The following SLC25A37 variants were observed in gnomAD, a reference collection of about 807,000 sequenced individuals.
SLC25A37 encodes the protein mitoferrin-1.
A neutral mutation model predicts 31.0 loss-of-function variants in SLC25A37; 17 were observed. The ratio of observed to expected loss-of-function variants is 0.55; its 90% CI spans 0.38 to 0.82. The LOEUF is 0.82. Ranked by LOEUF, SLC25A37 falls within the 40% of genes least tolerant of loss-of-function variation. The pLI is 0.00. For missense variants in SLC25A37, 404 were observed against 465.8 expected (o/e 0.87, Z 1.22); for synonymous variants, 222 against 193.0 (o/e 1.15, Z -1.24).
intron 1 of SLC25A37, among the ~76,000 whole-genome samples, chr8:23,544,930 C>T (rs1240073951): frequency 3.3e-5 from 5 of 152,122 alleles, no homozygotes; most frequent in African/African-American, 1.2e-4. Flanking sequence ...CTTTCACTGT[C>T]GAACTAAGGA....
chr8:23,535,967 G>A (rs1248728161), intron 1 of SLC25A37, among the ~76,000 whole-genome samples: 3 of 152,136 alleles, frequency 2.0e-5, no homozygotes, highest in Admixed American at 6.5e-5. Flanking sequence ...GAGTGGGGAC[G>A]CAGCCAAACC....
intron 2 of SLC25A37, 30 bp from the exon 3 acceptor site, chr8:23,568,292 G>A: frequency 1.9e-6 from 3 of 1,613,134 alleles, no homozygotes; most frequent in Non-Finnish European, 2.5e-6. Context: ...CCCGATCGCA[G>A]AGGGTAATTT....
intron 1 of SLC25A37, among the ~76,000 whole-genome samples, chr8:23,545,703 C>T (rs1171649483): frequency 6.6e-6 from 1 of 152,126 alleles, no homozygotes; most frequent in Non-Finnish European, 1.5e-5. Context: ...ATAGAAAATG[C>T]CCTGTGGAAA....
At chr8:23,564,289 T>C (rs911574230) in intron 1 of SLC25A37, among the ~76,000 whole-genome samples, 3 of 152,128 alleles carry the variant, frequency 2.0e-5, no homozygotes, top group African/African-American at 7.2e-5. Context: ...CTGGGGTACC[T>C]GGGGCTCTCT....
chr8:23,543,782 TGCCTCG>T (rs1213197861), intron 1 of SLC25A37, among the ~76,000 whole-genome samples: 2 of 152,040 alleles, frequency 1.3e-5, no homozygotes, highest in Admixed American at 1.3e-4. Context: ...TTGATCTGCT[TGCCTCG>T]GCCTCCCAAG....
At chr8:23,530,622 A>G (rs1801644564) in intron 1 of SLC25A37, among the ~76,000 whole-genome samples, 1 of 152,242 alleles carries the variant, frequency 6.6e-6, no homozygotes, top group Non-Finnish European at 1.5e-5. Context: ...GACTGATACC[A>G]GGTGGCATTT....
At chr8:23,556,570 G>A (rs1253373754) in intron 1 of SLC25A37, among the ~76,000 whole-genome samples, 2 of 151,554 alleles carry the variant, frequency 1.3e-5, no homozygotes, top group African/African-American at 2.4e-5. Context: ...GTATATGTAT[G>A]TATATACATA....
chr8:23,536,075 C>T (rs1456475573), intron 1 of SLC25A37, among the ~76,000 whole-genome samples: 1 of 152,136 alleles, frequency 6.6e-6, no homozygotes, highest in Non-Finnish European at 1.5e-5. Context: ...CGTACGTTGT[C>T]AATAAATGGT....
chr8:23,542,196 G>A (rs1415523223), intron 1 of SLC25A37, among the ~76,000 whole-genome samples: 2 of 152,120 alleles, frequency 1.3e-5, no homozygotes, highest in African/African-American at 2.4e-5. Context: ...GCATCACAAC[G>A]CATTGCATTT....
rs370786654 is a variant in SLC25A37 at position 23,571,699 on chromosome 8, G to A, written c.861G>A (p.Arg287=). The change falls in exon 4 of 4, where the codon CGG becomes CGA. Residue 287 remains arginine, a synonymous_variant. Transcript: ENST00000519973. Reference sequence around the variant, plus strand: ...TGTCGGGTATGGCCAATGCCTTCCGGACGGTGTACCAGCTCAACGGCCTGG... The same window carrying A: ...TGTCGGGTATGGCCAATGCCTTCCGAACGGTGTACCAGCTCAACGGCCTGG... ...GRLSGMANAF[R]TVYQLNGLAG... is the part of the protein sequence containing the mutation. 6.2e-7 allele frequency: 1 copy of A among 1,613,898 alleles called. No homozygotes were observed. The highest frequency in any genetic ancestry group is 8.5e-7 in the Non-Finnish European group (1 of 1,179,910).
In SLC25A37 at chr8:23,551,302, G is replaced by C. The variant is rs543753201; in HGVS notation, c.211-14806G>C. 2.6e-5 allele frequency among the ~76,000 whole-genome samples: 4 copies of C among 152,340 alleles called. No individual in the cohort carries two copies. In the East Asian group the frequency reaches 7.7e-4, roughly 29 times the overall value. ...TAGGCCATCCATTTAGAAATGGTTAGTGAAGAAAGGTGAATGGGGAGGGGT... is the reference window on the plus strand; with the variant it reads ...TAGGCCATCCATTTAGAAATGGTTACTGAAGAAAGGTGAATGGGGAGGGGT... On this transcript the variant is annotated intron_variant, in intron 1 of 3. Coordinates refer to ENST00000519973, the MANE Select transcript of SLC25A37 (RefSeq NM_016612.4).
At chr8:23,569,789 G>GAGT (rs1802772732) in intron 3 of SLC25A37, among the ~76,000 whole-genome samples, 1 of 152,124 alleles carries the variant, frequency 6.6e-6, no homozygotes, top group Non-Finnish European at 1.5e-5. Flanking sequence ...TCTGAATAGT[G>GAGT]AGTACCTTTT....
chr8:23,529,330 C>A lies in SLC25A37; in HGVS notation c.210+118C>A. Reference sequence around the variant, plus strand: ...TCCCGAAACCGAGCTCTCCCCAGGACCGCGGCTGGCCGGGGTCGCCCCAGG... The same window carrying A: ...TCCCGAAACCGAGCTCTCCCCAGGAACGCGGCTGGCCGGGGTCGCCCCAGG... On this transcript the variant is annotated intron_variant, in intron 1 of 3. Transcript: ENST00000519973. The surrounding 1 kb of genome is among the most constrained non-coding windows in gnomAD (Gnocchi z 4.1). 1 of 978,838 alleles carries A rather than the reference C, an allele frequency of 1.0e-6. No individual in the cohort carries two copies. Among genetic ancestry groups the A allele is most frequent in the Non-Finnish European group, 1.4e-6 (1 of 711,272 alleles). 60.6% of individuals were successfully genotyped at this position (978,838 alleles called of 1,614,324 possible).
chr8:23,545,286 T>G (rs906696232), intron 1 of SLC25A37, among the ~76,000 whole-genome samples: 9 of 152,362 alleles, frequency 5.9e-5, no homozygotes, highest in Non-Finnish European at 1.3e-4. Flanking sequence ...GAAAGGTAAC[T>G]GGAGAGCTGG....
chr8:23,555,966 G>A (rs1296487818), intron 1 of SLC25A37, among the ~76,000 whole-genome samples: 3 of 152,184 alleles, frequency 2.0e-5, no homozygotes, highest in Admixed American at 1.3e-4. Flanking sequence ...TTTTGTCTTG[G>A]TATAGCTTTT....
intron 1 of SLC25A37, among the ~76,000 whole-genome samples, chr8:23,546,594 TATAGTGTATG>T (rs1802064518): frequency 1.6e-5 from 1 of 61,642 alleles, no homozygotes; most frequent in African/African-American, 1.2e-4. Context: ...TGTATATATA[TATAGTGTATG>T]TGTGTGTGTG....
At chr8:23,566,715 C>CA (rs74273493) in intron 2 of SLC25A37, 27,087 of 761,352 alleles carry the variant, frequency 0.036, 1 homozygote, top group Non-Finnish European at 0.039. Context: ...ATGCTGGATT[C>CA]AAAAAAAAAA....
chr8:23,555,662 A>C (rs1302217748), intron 1 of SLC25A37, among the ~76,000 whole-genome samples: 1 of 152,210 alleles, frequency 6.6e-6, no homozygotes, highest in Non-Finnish European at 1.5e-5. Flanking sequence ...GGTGGCAGGA[A>C]TCCTCTGTGG....
At chr8:23,551,082 C>A (rs1338880820) in intron 1 of SLC25A37, among the ~76,000 whole-genome samples, 2 of 152,338 alleles carry the variant, frequency 1.3e-5, no homozygotes, top group East Asian at 3.9e-4. Flanking sequence ...CCTGCCTAGC[C>A]CTGGCCTGGA....
Sources: gnomAD v4.1 joint callset for allele counts (sites outside exome capture counted in the v4.1 genomes callset) on GRCh38, gnomAD v4.1.1 for gene constraint, Gnocchi (gnomAD v3.1) non-coding constraint, MANE v1.5 for transcripts, NCBI Gene and HGNC (gene_info 2026-07-23, HGNC 2026-07-21) for gene names.